Variants in FAM114A1 observed in about 807,000 individuals in gnomAD.
The protein encoded by FAM114A1 is protein NOXP20.
A neutral mutation model predicts 64.3 loss-of-function variants in FAM114A1; 62 were observed. The observed-to-expected ratio is 0.96, with a 90% CI of 0.79 to 1.19. The LOEUF is 1.19. Among genes scored for constraint, FAM114A1 ranks in the 50% most tolerant of loss-of-function variants. The pLI is 0.00. For synonymous variants in FAM114A1, 254 were observed against 251.1 expected (o/e 1.01, Z -0.11); for missense variants, 645 against 676.3 (o/e 0.95, Z 0.51).
At chr4:38,868,958 A>C (rs1713745157) in intron 2 of FAM114A1, among the ~76,000 whole-genome samples, 1 of 152,224 alleles carries the variant, frequency 6.6e-6, no homozygotes, top group Non-Finnish European at 1.5e-5. Flanking sequence ...TTTGAGGCAC[A>C]AGTGAGACAG....
intron 7 of FAM114A1, among the ~76,000 whole-genome samples, chr4:38,910,220 T>A (rs6837037): frequency 4.0e-5 from 6 of 150,028 alleles, no homozygotes; most frequent in Non-Finnish European, 8.9e-5. Context: ...GCCTGGGCAA[T>A]AAAGCAGGAC....
chr4:38,878,691 T>C (rs1385073103), intron 3 of FAM114A1, among the ~76,000 whole-genome samples: 2 of 152,234 alleles, frequency 1.3e-5, no homozygotes, highest in Non-Finnish European at 2.9e-5. Flanking sequence ...CTAGCCACTT[T>C]CTATGTTATG....
chr4:38,878,461 GT>G, intron 3 of FAM114A1, 35 bp downstream of exon 3: 2 of 1,534,908 alleles, frequency 1.3e-6, no homozygotes, highest in Non-Finnish European at 1.8e-6. Flanking sequence ...TTCGGCCTAA[GT>G]TCTTGCTTAT....
chr4:38,913,710 G>T (rs190847892), intron 7 of FAM114A1, among the ~76,000 whole-genome samples: 4 of 152,164 alleles, frequency 2.6e-5, no homozygotes, highest in Admixed American at 2.0e-4. Context: ...ATTCTTAATT[G>T]CAGTAAGTAT....
intron 9 of FAM114A1, among the ~76,000 whole-genome samples, chr4:38,927,769 T>C (rs983409499): frequency 6.6e-5 from 10 of 152,188 alleles, no homozygotes; most frequent in African/African-American, 2.2e-4. Context: ...CTGCAACCTC[T>C]GCCTCCCAGG....
At chr4:38,892,866 T>C (rs1411424049) in intron 4 of FAM114A1, among the ~76,000 whole-genome samples, 1 of 152,238 alleles carries the variant, frequency 6.6e-6, no homozygotes, top group Non-Finnish European at 1.5e-5. Flanking sequence ...GCCAGATATC[T>C]AACTTGACAG....
At chr4:38,921,942 A>T (rs571957315) in intron 8 of FAM114A1, among the ~76,000 whole-genome samples, 17 of 152,136 alleles carry the variant, frequency 1.1e-4, no homozygotes, top group African/African-American at 4.1e-4. Context: ...TTATTTATTT[A>T]TTCATTCATT....
intron 8 of FAM114A1, among the ~76,000 whole-genome samples, chr4:38,919,794 T>C (rs568183199): frequency 4.6e-5 from 7 of 152,344 alleles, no homozygotes; most frequent in African/African-American, 1.7e-4. Flanking sequence ...TGACAGTCCA[T>C]TGGCTGAAAC....
rs577272507 is a variant in FAM114A1 at position 38,869,515 on chromosome 4, G to C, written c.-9+969G>C. ...TTGGAGCTGGATTATGATGGGAAGTGTGAAGATATTTACACCTAATGGTTT... is the reference window on the plus strand; with the variant it reads ...TTGGAGCTGGATTATGATGGGAAGTCTGAAGATATTTACACCTAATGGTTT... On this transcript the variant is annotated intron_variant, in intron 2 of 14. Transcript: ENST00000358869. Among the ~76,000 whole-genome samples, 6 of 152,274 alleles carry C rather than the reference G, an allele frequency of 3.9e-5. No individual in the cohort carries two copies. The East Asian group carries it at 9.6e-4, about 24-fold the overall frequency.
chr4:38,931,103 C>CTTTT (rs1047371012), intron 10 of FAM114A1, among the ~76,000 whole-genome samples: 8 of 152,058 alleles, frequency 5.3e-5, no homozygotes, highest in Non-Finnish European at 8.8e-5. Flanking sequence ...TACTATTATT[C>CTTTT]TTTTATAGAT....
At chr4:38,932,541 G>T (rs184330520) in intron 12 of FAM114A1, among the ~76,000 whole-genome samples, 167 bp downstream of exon 12, 8 of 152,260 alleles carry the variant, frequency 5.3e-5, no homozygotes, top group Admixed American at 4.6e-4. Context: ...CTGTCACCCA[G>T]ACTGGAGTGC....
intron 2 of FAM114A1, among the ~76,000 whole-genome samples, chr4:38,872,147 G>A (rs1005692237): frequency 6.6e-6 from 1 of 152,112 alleles, no homozygotes; most frequent in Non-Finnish European, 1.5e-5. Flanking sequence ...CAGAGAAGAC[G>A]GTAGATGAAC....
At chr4:38,929,053 C>G (rs975874502) in intron 9 of FAM114A1, 189 bp from the exon 10 acceptor site, 11 of 569,590 alleles carry the variant, frequency 1.9e-5, no homozygotes, top group Non-Finnish European at 1.6e-5. Flanking sequence ...GCCCTGCACC[C>G]GGATGCATCT....
intron 14 of FAM114A1, among the ~76,000 whole-genome samples, chr4:38,942,567 T>C (rs1472432142): frequency 1.3e-5 from 2 of 152,322 alleles, no homozygotes; most frequent in East Asian, 3.9e-4. Context: ...ATAGATGTTT[T>C]CACATGTTTT....
At chr4:38,906,346 T>C (rs1344080595) in intron 6 of FAM114A1, among the ~76,000 whole-genome samples, 1 of 152,044 alleles carries the variant, frequency 6.6e-6, no homozygotes, top group African/African-American at 2.4e-5. Context: ...CATCCCTACC[T>C]CTTCATTCCC....
chr4:38,939,566 T>A (rs913059799), intron 13 of FAM114A1, among the ~76,000 whole-genome samples: 7 of 152,236 alleles, frequency 4.6e-5, no homozygotes, highest in Non-Finnish European at 7.3e-5. Flanking sequence ...CTAAAATGAC[T>A]GGGTTTTTAA....
Position 38,932,305 on chromosome 4 carries a change from T to C in FAM114A1, c.1394T>C (p.Val465Ala). Residue 465 changes from valine to alanine, a missense_variant, in exon 12 of 15, where the codon GTA becomes GCA. Physicochemically the swap from Val to Ala is moderately conservative, Grantham distance 64. Coordinates refer to ENST00000358869, the MANE Select transcript of FAM114A1 (RefSeq NM_138389.4). ...TARCIEQLHK[V>A]AELILHGQEE... ...CGCTGTATTGAGCAGCTTCATAAAG[T>C]AGCAGAATTAATTCTTCATGGACAA... The C allele has an allele frequency of 1.2e-6, 2 of 1,613,802 alleles. No individual in the cohort carries two copies. Among genetic ancestry groups the C allele is most frequent in the East Asian group, 2.2e-5 (1 of 44,886 alleles).
chr4:38,877,379 A>G (rs1714744454), intron 2 of FAM114A1, among the ~76,000 whole-genome samples: 1 of 152,206 alleles, frequency 6.6e-6, no homozygotes, highest in African/African-American at 2.4e-5. Context: ...GAGACAGATC[A>G]TCAGGCATTA....
At chr4:38,876,743 A>G (rs1714685657) in intron 2 of FAM114A1, among the ~76,000 whole-genome samples, 1 of 152,232 alleles carries the variant, frequency 6.6e-6, no homozygotes, top group Non-Finnish European at 1.5e-5. Flanking sequence ...TCCATGGGCT[A>G]AAGTCAAGTT....
Sources: allele counts gnomAD v4.1 joint callset (sites outside exome capture counted in the v4.1 genomes callset), GRCh38; gene constraint gnomAD v4.1.1; transcripts MANE v1.5; gene names NCBI Gene and HGNC (gene_info 2026-07-23, HGNC 2026-07-21).